Variants in SLC35F4 observed in about 807,000 individuals in gnomAD.
SLC35F4 encodes solute carrier family 35 member F4.
SLC35F4 carries 24 observed loss-of-function variants against 44.2 expected under a neutral mutation model. That is an observed-to-expected ratio of 0.54 (90% CI 0.39 to 0.76). The LOEUF is 0.76. SLC35F4 is among the 30% of genes least tolerant of loss of function. SLC35F4 has a pLI of 0.00. For missense variants in SLC35F4, 562 were observed against 586.1 expected (o/e 0.96, Z 0.42); for synonymous variants, 238 against 223.6 (o/e 1.06, Z -0.57).
chr14:57,905,244 GC>G (rs1199417376), intron 1 of SLC35F4, among the ~76,000 whole-genome samples: 17 of 152,312 alleles, frequency 1.1e-4, no homozygotes, highest in African/African-American at 3.6e-4. Context: ...CTCCATGTGA[GC>G]CTCTCCACAG....
chr14:57,758,001 ATGTGTGTGTGTGTGTGTG>A (rs34860997), intron 1 of SLC35F4, among the ~76,000 whole-genome samples: 4 of 128,922 alleles, frequency 3.1e-5, no homozygotes, highest in Non-Finnish European at 5.0e-5. Context: ...TTATAGGTTC[ATGTGTGTGTGTGTGTGTG>A]TGTGTGTGTG....
At chr14:57,599,919 C>T (rs1442644223) in intron 1 of SLC35F4, among the ~76,000 whole-genome samples, 1 of 152,072 alleles carries the variant, frequency 6.6e-6, no homozygotes. Flanking sequence ...TGGAAATACT[C>T]CCTCCCTTTG....
upstream of SLC35F4, among the ~76,000 whole-genome samples, chr14:57,868,385 C>G (rs1888226974): frequency 6.6e-6 from 1 of 152,080 alleles, no homozygotes; most frequent in Non-Finnish European, 1.5e-5. Context: ...GTCATGAACA[C>G]TCTTGGCATA....
At chr14:57,978,852 G>A (rs2141099751) in intron 1 of SLC35F4, among the ~76,000 whole-genome samples, 1 of 152,288 alleles carries the variant, frequency 6.6e-6, no homozygotes, top group East Asian at 1.9e-4. Flanking sequence ...CTACCTCTTG[G>A]TCATCGTTTG....
chr14:57,569,847 C>T lies in SLC35F4; in HGVS notation c.1067G>A (p.Trp356Ter). The T allele has an allele frequency of 6.2e-7, 1 of 1,611,178 alleles. No homozygotes were observed. Among genetic ancestry groups the T allele is most frequent in the Non-Finnish European group, 8.5e-7 (1 of 1,178,784 alleles). The change falls in exon 6 of 8, where the codon TGG becomes TAG. Residue 356 changes from tryptophan (W) to a stop codon, truncating the protein, a stop_gained. Transcript: ENST00000556826. LOFTEE classifies it high-confidence loss of function. The part of the protein sequence containing the change: ...VILYFTKVEH[W>*]SSFAALPWGC... ...CCATGGCAGAGCAGCAAAAGAGGAC[C>T]AGTGCTCCACCTTGGTGAAATACAA...
chr14:57,731,497 G>A (rs11627208), intron 1 of SLC35F4, among the ~76,000 whole-genome samples: 1 of 152,168 alleles, frequency 6.6e-6, no homozygotes. Context: ...TTTTGCCAGA[G>A]CCTTTTTCTT....
chr14:57,594,461 C>T (rs1044187629), intron 1 of SLC35F4, among the ~76,000 whole-genome samples: 1 of 133,748 alleles, frequency 7.5e-6, no homozygotes, highest in African/African-American at 2.7e-5. Context: ...CAATCACAGT[C>T]CTAATGAGCT....
chr14:57,707,190 G>C (rs1047195556), intron 1 of SLC35F4, among the ~76,000 whole-genome samples: 2 of 152,192 alleles, frequency 1.3e-5, no homozygotes, highest in African/African-American at 4.8e-5. Context: ...GGATGATGAA[G>C]ATGTTACTTC....
At chr14:57,975,530 C>A (rs922490893), downstream of SLC35F4, among the ~76,000 whole-genome samples, 2 of 152,160 alleles carry the variant, frequency 1.3e-5, no homozygotes, top group African/African-American at 2.4e-5. Context: ...CACTATATAA[C>A]CTCCAGTAAA....
At chr14:57,965,960 G>A (rs79129903) in intron 1 of SLC35F4, among the ~76,000 whole-genome samples, 160 of 152,230 alleles carry the variant, frequency 1.1e-3, no homozygotes, top group African/African-American at 3.8e-3. Flanking sequence ...GACAGAGCAG[G>A]CCTTGACAAA....
intron 1 of SLC35F4, among the ~76,000 whole-genome samples, chr14:57,746,654 C>A (rs887534005): frequency 6.6e-5 from 10 of 151,722 alleles, no homozygotes; most frequent in African/African-American, 4.8e-5. Context: ...TAAAAAAGTG[C>A]AAAAAAATGA....
chr14:57,713,444 T>A (rs1227468714), intron 1 of SLC35F4, among the ~76,000 whole-genome samples: 1 of 152,144 alleles, frequency 6.6e-6, no homozygotes, highest in Non-Finnish European at 1.5e-5. Flanking sequence ...ACCCCCTAGT[T>A]TAAGTACCAG....
chr14:57,630,778 T>A (rs2072732042), intron 1 of SLC35F4: 1 of 498,330 alleles, frequency 2.0e-6, no homozygotes, highest in East Asian at 5.3e-5. Context: ...AGTGTTGCAA[T>A]GATGATTAAA....
intron 1 of SLC35F4, among the ~76,000 whole-genome samples, chr14:57,693,807 C>CT (rs534249444): frequency 4.0e-5 from 6 of 151,456 alleles, no homozygotes; most frequent in East Asian, 3.9e-4. Flanking sequence ...TGTCCCCTAA[C>CT]TTTTTTTTTG....
At chr14:57,679,462 G>T (rs779033201) in intron 1 of SLC35F4, among the ~76,000 whole-genome samples, 15 of 152,004 alleles carry the variant, frequency 9.9e-5, no homozygotes, top group Non-Finnish European at 1.8e-4. Flanking sequence ...ACAATTAAAA[G>T]AACTAGAGAA....
chr14:57,810,901 A>C (rs927160515), intron 1 of SLC35F4, among the ~76,000 whole-genome samples: 2 of 152,248 alleles, frequency 1.3e-5, no homozygotes, highest in African/African-American at 2.4e-5. Context: ...TGTTTTGTCT[A>C]GATTTGCATA....
intron 1 of SLC35F4, among the ~76,000 whole-genome samples, chr14:57,720,346 T>G (rs1053165748): frequency 6.6e-6 from 1 of 152,202 alleles, no homozygotes; most frequent in South Asian, 2.1e-4. Context: ...ACTGGCCTCA[T>G]AGAGTGAGTT....
intron 1 of SLC35F4, among the ~76,000 whole-genome samples, chr14:57,903,988 T>C (rs1451042377): frequency 6.6e-6 from 1 of 152,262 alleles, no homozygotes; most frequent in Non-Finnish European, 1.5e-5. Flanking sequence ...AAGAATATTC[T>C]TGCAAAGAAA....
At chr14:57,849,466 A>G (rs1886351129) in intron 1 of SLC35F4, among the ~76,000 whole-genome samples, 1 of 133,732 alleles carries the variant, frequency 7.5e-6, no homozygotes, top group Non-Finnish European at 1.5e-5. Flanking sequence ...CCAGCCCACA[A>G]AAATTTTTTT....
Sources: gnomAD v4.1 joint callset for allele counts (sites outside exome capture counted in the v4.1 genomes callset) on GRCh38, gnomAD v4.1.1 for gene constraint, MANE v1.5 for transcripts, NCBI Gene and HGNC (gene_info 2026-07-23, HGNC 2026-07-21) for gene names.